Variants in BBX observed in about 807,000 individuals in gnomAD.
The protein encoded by BBX is BBX high mobility group box domain containing.
A neutral mutation model predicts 100.2 loss-of-function variants in BBX; 30 were observed. The observed-to-expected ratio is 0.30, with a 90% confidence interval of 0.22 to 0.41. The LOEUF is 0.41. Among genes scored for constraint, BBX ranks in the 10% least tolerant of loss-of-function variants. BBX has a pLI of 1.00. For synonymous variants in BBX, 376 were observed against 388.1 expected, an observed-to-expected ratio of 0.97 and a Z score of 0.37; for missense variants, 1,023 against 1,129.8, an observed-to-expected ratio of 0.91 and a Z score of 1.35.
chr3:107,599,557 A>G (rs2053915501), intron 2 of BBX: 1 of 152,144 alleles, frequency 6.6e-6, no homozygotes, highest in Non-Finnish European at 1.5e-5. Context: ...CCAGCTCTGT[A>G]GACTGCCGCA....
chr3:107,690,892 CTTTTTTTTTTTTTT>C (rs66523709), intron 3 of BBX, among the ~76,000 whole-genome samples: 3 of 41,190 alleles, frequency 7.3e-5, no homozygotes, highest in African/African-American at 3.2e-4. Flanking sequence ...GCCCCCCCCC[CTTTTTTTTTTTTTT>C]TTTTTTTTTT....
intron 2 of BBX, among the ~76,000 whole-genome samples, chr3:107,634,512 C>A (rs902981732): frequency 6.6e-6 from 1 of 152,110 alleles, no homozygotes; most frequent in Admixed American, 6.5e-5. Context: ...TTACTGTAAA[C>A]AAATAATGTT....
chr3:107,717,286 T>C (rs1177285014), intron 5 of BBX, among the ~76,000 whole-genome samples: 2 of 152,136 alleles, frequency 1.3e-5, no homozygotes, highest in Non-Finnish European at 2.9e-5. Context: ...CAATCTTAGG[T>C]TACTGTAGTT....
chr3:107,552,840 C>G (rs2049804148), intron 2 of BBX, among the ~76,000 whole-genome samples: 1 of 152,128 alleles, frequency 6.6e-6, no homozygotes, highest in South Asian at 2.1e-4. Context: ...GTCTCAACAT[C>G]CATGTTGAGA....
At chr3:107,733,500 C>T (rs1476269546) in intron 7 of BBX, among the ~76,000 whole-genome samples, 1 of 151,998 alleles carries the variant, frequency 6.6e-6, no homozygotes, top group African/African-American at 2.4e-5. Flanking sequence ...TCTTCTTTCC[C>T]ACCCCCCCTT....
intron 10 of BBX, among the ~76,000 whole-genome samples, chr3:107,764,055 C>T (rs537371124): frequency 6.6e-6 from 1 of 152,120 alleles, no homozygotes; most frequent in Admixed American, 6.5e-5. Flanking sequence ...TGCAGTGGCA[C>T]GATCTCAGCT....
chr3:107,726,786 A>G (rs1479485094), intron 5 of BBX, among the ~76,000 whole-genome samples: 22 of 152,092 alleles, frequency 1.4e-4, no homozygotes, highest in Non-Finnish European at 1.2e-4. Context: ...ATATGAAGAC[A>G]GGGACTCTAT....
intron 3 of BBX, among the ~76,000 whole-genome samples, chr3:107,697,972 TG>T (rs1165255469): frequency 6.6e-5 from 10 of 151,982 alleles, no homozygotes; most frequent in Admixed American, 3.3e-4. Flanking sequence ...AGGGGCCGTC[TG>T]TCACCACTTT....
At chr3:107,711,406 T>C (rs1452767231) in intron 4 of BBX, 1 of 446,014 alleles carries the variant, frequency 2.2e-6, no homozygotes, top group East Asian at 7.1e-5. Flanking sequence ...AAAGAATAAA[T>C]GAGTACATAT....
At chr3:107,581,605 C>G (rs1381621146) in intron 2 of BBX, among the ~76,000 whole-genome samples, 1 of 151,830 alleles carries the variant, frequency 6.6e-6, no homozygotes, top group Non-Finnish European at 1.5e-5. Context: ...GGTTTGGTAA[C>G]TGGTCTTCTG....
At position 107,768,220 on chromosome 3, in the gene BBX, C is replaced by T. The variant is rs142011449; in HGVS notation, c.907-4408C>T. ...TGCTTCCGTTTCCCTAATTAGACCC[C>T]GACTGGTACAAAAGCCGACCTCATT... is the stretch of plus-strand genomic sequence containing the variant. On this transcript the variant is annotated intron_variant, in intron 10 of 17. Coordinates refer to ENST00000325805, the MANE Select transcript of BBX (RefSeq NM_001142568.3). Among the ~76,000 whole-genome samples, 167 of 152,242 alleles carry T rather than the reference C, an allele frequency of 1.1e-3. 1 individual carries two copies. In the East Asian group the frequency reaches 0.012, roughly 11 times the overall value.
intron 2 of BBX, among the ~76,000 whole-genome samples, chr3:107,578,285 G>A (rs1400276200): frequency 6.6e-6 from 1 of 152,168 alleles, no homozygotes; most frequent in Non-Finnish European, 1.5e-5. Context: ...AAGCATGTAG[G>A]TGGGAAGGGT....
chr3:107,575,618 T>C lies in BBX; in HGVS notation c.-84+49220T>C, dbSNP rs377613632. Among the ~76,000 whole-genome samples, 156 of 152,278 alleles carry C rather than the reference T, an allele frequency of 1.0e-3. 1 individual carries two copies. Among genetic ancestry groups the C allele is most frequent in the African/African-American group, 3.7e-3 (154 of 41,546 alleles). On this transcript the variant is annotated intron_variant, in intron 2 of 17. Coordinates refer to ENST00000325805, the MANE Select transcript of BBX (RefSeq NM_001142568.3). ...TAGCATTTTATCTGCTCATTTATTT[T>C]GGCATTTAGCTTTAGAGAAGTATAG...
chr3:107,528,689 A>G (rs2047943818), intron 2 of BBX, among the ~76,000 whole-genome samples: 3 of 152,206 alleles, frequency 2.0e-5, no homozygotes, highest in Admixed American at 2.0e-4. Context: ...GGTTGCACAT[A>G]TGATTACGAT....
chr3:107,589,520 A>T (rs2053135089), intron 2 of BBX, among the ~76,000 whole-genome samples: 1 of 152,174 alleles, frequency 6.6e-6, no homozygotes, highest in Admixed American at 6.5e-5. Context: ...CAGAGAAATG[A>T]CCACTGCTTT....
intron 2 of BBX, among the ~76,000 whole-genome samples, chr3:107,573,108 T>C (rs970217782): frequency 6.6e-6 from 1 of 152,224 alleles, no homozygotes; most frequent in African/African-American, 2.4e-5. Context: ...AAAGTTATGA[T>C]TCTTTAATGT....
intron 2 of BBX, among the ~76,000 whole-genome samples, chr3:107,549,396 G>A (rs889449092): frequency 6.6e-6 from 1 of 152,188 alleles, no homozygotes; most frequent in Non-Finnish European, 1.5e-5. Context: ...AAGGGAAGGA[G>A]AGAGAGGGGA....
intron 4 of BBX, among the ~76,000 whole-genome samples, chr3:107,712,192 A>G (rs1448281877): frequency 6.6e-6 from 1 of 151,744 alleles, no homozygotes; most frequent in Non-Finnish European, 1.5e-5. Flanking sequence ...TTCTATTTCT[A>G]CCTTCCCCAC....
chr3:107,579,996 G>A (rs2052152962), intron 2 of BBX, among the ~76,000 whole-genome samples: 1 of 151,936 alleles, frequency 6.6e-6, no homozygotes, highest in East Asian at 1.9e-4. Context: ...TATGGCGGTG[G>A]ATTTTTTTTC....
Sources: gnomAD v4.1 joint callset for allele counts (sites outside exome capture counted in the v4.1 genomes callset) on GRCh38, gnomAD v4.1.1 for gene constraint, MANE v1.5 for transcripts, NCBI Gene and HGNC (gene_info 2026-07-23, HGNC 2026-07-21) for gene names.